The following CCSER1 variants were observed in gnomAD, a reference collection of about 807,000 sequenced individuals.
CCSER1 encodes coiled-coil serine rich protein 1.
Under a neutral mutation model 82.0 loss-of-function variants are expected in CCSER1, and 41 were observed. That is an observed-to-expected ratio of 0.50 (90% confidence interval 0.39 to 0.65). The LOEUF is 0.65. Among genes scored for constraint, CCSER1 ranks in the 30% least tolerant of loss-of-function variants. CCSER1 has a pLI of 0.00. For synonymous variants in CCSER1, 414 were observed against 383.9 expected (o/e 1.08, Z -0.92); for missense variants, 1,119 against 1,064.2 (o/e 1.05, Z -0.72).
chr4:90,653,138 A>G (rs927719964), intron 6 of CCSER1, among the ~76,000 whole-genome samples: 45 of 152,330 alleles, frequency 3.0e-4, no homozygotes, highest in African/African-American at 1.1e-3. Flanking sequence ...TATTTAAAAA[A>G]AAAACTTGCT....
Position 91,379,359 on chromosome 4 carries a change from C to T in CCSER1, c.2218-219213C>T, listed in dbSNP as rs567950014. Among the ~76,000 whole-genome samples the T allele has an allele frequency of 5.3e-5, 8 of 152,220 alleles. No individual in the cohort carries two copies. In the South Asian group the frequency reaches 6.2e-4, roughly 12 times the overall value. ...TCCTCCTTGTACCTCTGGTAGAATTCGGCTGTGAATCCGTCTGGTCCTGGA... is the reference window on the plus strand; with the variant it reads ...TCCTCCTTGTACCTCTGGTAGAATTTGGCTGTGAATCCGTCTGGTCCTGGA... On this transcript the variant is annotated intron_variant, in intron 10 of 10. Transcript: ENST00000509176.
chr4:90,693,690 C>T (rs1193004302), intron 6 of CCSER1, among the ~76,000 whole-genome samples: 3 of 151,726 alleles, frequency 2.0e-5, no homozygotes, highest in Non-Finnish European at 4.4e-5. Context: ...ATTGTGTAAC[C>T]TATGAAAAAC....
chr4:90,423,647 T>C (rs1757057344), intron 4 of CCSER1, among the ~76,000 whole-genome samples: 1 of 152,234 alleles, frequency 6.6e-6, no homozygotes, highest in East Asian at 1.9e-4. Flanking sequence ...GCTAACTTGT[T>C]TGTATTTTTA....
chr4:90,466,878 A>T (rs551663691), intron 4 of CCSER1, among the ~76,000 whole-genome samples: 1 of 152,200 alleles, frequency 6.6e-6, no homozygotes, highest in South Asian at 2.1e-4. Context: ...CAATATAAAT[A>T]AGTTTGTGCA....
At chr4:91,138,898 T>C (rs1397475842) in intron 10 of CCSER1, among the ~76,000 whole-genome samples, 1 of 152,204 alleles carries the variant, frequency 6.6e-6, no homozygotes, top group Non-Finnish European at 1.5e-5. Flanking sequence ...ACCTTTATTT[T>C]AGATTCTGGG....
intron 10 of CCSER1, among the ~76,000 whole-genome samples, chr4:91,205,773 C>T (rs1038239493): frequency 6.6e-6 from 1 of 151,240 alleles, no homozygotes; most frequent in Non-Finnish European, 1.5e-5. Flanking sequence ...TTTTGAGGCT[C>T]TGGACATATA....
chr4:91,422,771 G>A (rs1250658068), intron 10 of CCSER1, among the ~76,000 whole-genome samples: 1 of 152,062 alleles, frequency 6.6e-6, no homozygotes, highest in Non-Finnish European at 1.5e-5. Context: ...TCACCAAAAA[G>A]AAGCAAAGCA....
At chr4:90,354,499 A>C (rs2153514498) in intron 3 of CCSER1, among the ~76,000 whole-genome samples, 1 of 152,276 alleles carries the variant, frequency 6.6e-6, no homozygotes, top group Non-Finnish European at 1.5e-5. Context: ...ACACGCACAC[A>C]AACACACACA....
At chr4:91,166,016 C>A (rs1732023623) in intron 10 of CCSER1, among the ~76,000 whole-genome samples, 1 of 152,210 alleles carries the variant, frequency 6.6e-6, no homozygotes, top group Non-Finnish European at 1.5e-5. Flanking sequence ...CTGCGTTGAT[C>A]ACGCTGGGAT....
intron 10 of CCSER1, among the ~76,000 whole-genome samples, chr4:91,123,638 C>A (rs566787704): frequency 3.0e-4 from 45 of 151,776 alleles, no homozygotes; most frequent in Non-Finnish European, 5.9e-4. Flanking sequence ...ATGGTGGTTT[C>A]TTATCACTTA....
chr4:90,304,593 A>G (rs1733852920), intron 1 of CCSER1, among the ~76,000 whole-genome samples: 1 of 152,170 alleles, frequency 6.6e-6, no homozygotes, highest in Non-Finnish European at 1.5e-5. Flanking sequence ...ATGGGAATTG[A>G]ACAATGAGAA....
intron 7 of CCSER1, among the ~76,000 whole-genome samples, chr4:90,786,637 C>T (rs376183492): frequency 4.6e-5 from 7 of 152,142 alleles, no homozygotes; most frequent in African/African-American, 1.7e-4. Context: ...ACCACATGGA[C>T]TTTTGTGTAC....
At chr4:90,419,442 A>G (rs1272700238) in intron 4 of CCSER1, among the ~76,000 whole-genome samples, 1 of 151,950 alleles carries the variant, frequency 6.6e-6, no homozygotes, top group Admixed American at 6.6e-5. Flanking sequence ...CATCAAGTAC[A>G]GTGGAGGGAG....
At chr4:90,463,480 G>A (rs557556809) in intron 4 of CCSER1, among the ~76,000 whole-genome samples, 1 of 152,252 alleles carries the variant, frequency 6.6e-6, no homozygotes, top group African/African-American at 2.4e-5. Flanking sequence ...AATACAGTAA[G>A]AGTAAATGCA....
intron 5 of CCSER1, among the ~76,000 whole-genome samples, chr4:90,568,816 G>A (rs1779745646): frequency 6.9e-6 from 1 of 145,020 alleles, no homozygotes; most frequent in African/African-American, 2.6e-5. Flanking sequence ...AGGCTGCAAT[G>A]CAGTGGCACC....
intron 6 of CCSER1, among the ~76,000 whole-genome samples, chr4:90,695,474 C>G (rs1444067240): frequency 6.6e-6 from 1 of 151,952 alleles, no homozygotes; most frequent in Admixed American, 6.6e-5. Flanking sequence ...CTCATTATTA[C>G]TTTACTCTTT....
intron 1 of CCSER1, among the ~76,000 whole-genome samples, chr4:90,145,873 G>T (rs1271562894): frequency 3.3e-5 from 5 of 152,018 alleles, no homozygotes; most frequent in African/African-American, 1.2e-4. Context: ...ATATAATGCT[G>T]ATCTATGCAC....
At position 90,446,501 on chromosome 4, in the gene CCSER1, C is replaced by T. The variant is rs569353223; in HGVS notation, c.1604-21733C>T. Among the ~76,000 whole-genome samples the T allele has an allele frequency of 2.2e-3, 342 of 152,010 alleles. 4 individuals are homozygous for T. The highest frequency in any genetic ancestry group is 8.0e-3 in the African/African-American group (330 of 41,490). ...ATTAATAATTAATTTGATACTTATT[C>T]TTTTTATTTTGGTCAGCCCAAAAGG... On this transcript the variant is annotated intron_variant, in intron 4 of 10. Transcript: ENST00000509176.
At chr4:91,459,297 G>T (rs1014237804) in intron 10 of CCSER1, among the ~76,000 whole-genome samples, 1 of 152,048 alleles carries the variant, frequency 6.6e-6, no homozygotes, top group Non-Finnish European at 1.5e-5. Flanking sequence ...GAAGCATTAG[G>T]AATATGCATA....
Sources: gnomAD v4.1 joint callset for allele counts (sites outside exome capture counted in the v4.1 genomes callset) on GRCh38, gnomAD v4.1.1 for gene constraint, MANE v1.5 for transcripts, NCBI Gene and HGNC (gene_info 2026-07-23, HGNC 2026-07-21) for gene names.